PDE9A: variants seen among roughly 807,000 people sequenced by gnomAD.
PDE9A encodes the protein phosphodiesterase 9A.
A neutral mutation model predicts 87.4 loss-of-function variants in PDE9A; 60 were observed. That is an observed-to-expected ratio of 0.69 (90% CI 0.56 to 0.85). The LOEUF is 0.85. Among genes scored for constraint, PDE9A ranks in the 40% least tolerant of loss-of-function variants. PDE9A has a pLI of 0.00. For missense variants in PDE9A, 665 were observed against 779.0 expected (o/e 0.85, Z 1.74); for synonymous variants, 272 against 279.4 (o/e 0.97, Z 0.27).
At chr21:42,662,015 G>C (rs1003124554) in intron 1 of PDE9A, among the ~76,000 whole-genome samples, 2 of 152,214 alleles carry the variant, frequency 1.3e-5, no homozygotes, top group African/African-American at 2.4e-5. Context: ...CCTGGGGCAA[G>C]TCATTCACCC....
intron 19 of PDE9A, among the ~76,000 whole-genome samples, chr21:42,773,673 T>A (rs369745693): frequency 6.7e-6 from 1 of 150,250 alleles, no homozygotes; most frequent in Non-Finnish European, 1.5e-5. Context: ...TGGTGGCGGG[T>A]GCCTGTAGTC....
At position 42,719,689 on chromosome 21, in the gene PDE9A, G is replaced by A. The variant is rs532781448; in HGVS notation, c.263-12081G>A. ...AATATTCCTTCGTTCTTTTATAGGA[G>A]CATAGTACTTCATTTTGTAGATGTA... On this transcript the variant is annotated intron_variant, in intron 4 of 19. Transcript: ENST00000291539. Among the ~76,000 whole-genome samples, 3 of 151,422 alleles carry A rather than the reference G, an allele frequency of 2.0e-5. No individual in the cohort carries two copies. The East Asian group carries it at 5.8e-4, about 29-fold the overall frequency.
chr21:42,760,962 G>A lies in PDE9A; in HGVS notation c.1085+55G>A. 1 of 1,169,158 alleles carries A rather than the reference G, an allele frequency of 8.6e-7. No individual in the cohort carries two copies. The highest frequency in any genetic ancestry group is 1.2e-5 in the South Asian group (1 of 81,378). 72.4% of individuals were successfully genotyped at this position (1,169,158 alleles called of 1,614,324 possible). On this transcript the variant is annotated intron_variant, in intron 13 of 19. Coordinates refer to ENST00000291539, the MANE Select transcript of PDE9A (RefSeq NM_002606.3). This position sits in a 1 kb window ranked among gnomAD's most constrained non-coding sequence, Gnocchi z 5.2. ...TTTAAAAGGCACCCTGGCTACTGGA[G>A]GGAACCTGTCAGCCCAACCCTCAGA...
chr21:42,697,435 C>T lies in PDE9A; in HGVS notation c.219-1533C>T, dbSNP rs1366063206. ...TCCAGGAATGAGCTCATTCTCTATA[C>T]ATCACTCCGTAACTTGTTGTTTTTA... On this transcript the variant is annotated intron_variant, in intron 3 of 19. Transcript: ENST00000291539. 1.9e-6 allele frequency: 3 copies of T among 1,611,216 alleles called. No individual in the cohort carries two copies. The South Asian group carries it at 3.3e-5, about 18-fold the overall frequency.
intron 1 of PDE9A, among the ~76,000 whole-genome samples, chr21:42,670,412 A>G (rs2058438734): frequency 1.1e-5 from 1 of 94,092 alleles, no homozygotes; most frequent in Non-Finnish European, 1.8e-5. Flanking sequence ...TCACACATAC[A>G]TTCACACGCA....
chr21:42,755,933 C>G (rs2054992885), intron 10 of PDE9A, among the ~76,000 whole-genome samples: 1 of 152,232 alleles, frequency 6.6e-6, no homozygotes, highest in Non-Finnish European at 1.5e-5. Flanking sequence ...TACCAGGGAA[C>G]CCTTTGAGCA....
At chr21:42,775,210 G>A in intron 19 of PDE9A, 70 bp from the exon 20 acceptor site, 3 of 1,510,186 alleles carry the variant, frequency 2.0e-6, no homozygotes, top group Non-Finnish European at 2.8e-6. Context: ...AAAGTGCTGG[G>A]ATTAAAGGTG....
chr21:42,739,813 T>C lies in PDE9A; in HGVS notation c.569-3963T>C, dbSNP rs894472810. On this transcript the variant is annotated intron_variant, in intron 7 of 19. Coordinates refer to ENST00000291539, the MANE Select transcript of PDE9A (RefSeq NM_002606.3). The surrounding 1 kb of genome is among the most constrained non-coding windows in gnomAD (Gnocchi z 4.1). Reference sequence around the variant, plus strand: ...TTGTATGGACATGGGAAAAAAATTATAGGTTTGTTGCAAACTCATTTAGCA... The same window carrying C: ...TTGTATGGACATGGGAAAAAAATTACAGGTTTGTTGCAAACTCATTTAGCA... Among the ~76,000 whole-genome samples the C allele has an allele frequency of 3.3e-5, 5 of 152,092 alleles. No individual in the cohort carries two copies. The highest frequency in any genetic ancestry group is 5.9e-5 in the Non-Finnish European group (4 of 68,018).
chr21:42,716,278 A>T (rs1341960762), intron 4 of PDE9A, among the ~76,000 whole-genome samples: 1 of 151,802 alleles, frequency 6.6e-6, no homozygotes, highest in African/African-American at 2.4e-5. Flanking sequence ...TCTTTTGGTA[A>T]CAGCATGTTT....
intron 10 of PDE9A, 35 bp from the exon 11 acceptor site, chr21:42,758,964 A>T (rs917433117): frequency 6.5e-7 from 1 of 1,541,178 alleles, no homozygotes; most frequent in African/African-American, 1.4e-5. Flanking sequence ...CGGCCACACA[A>T]CTGCCCAGTG....
At chr21:42,653,950 G>C (rs2056839525) in intron 1 of PDE9A, 67 bp downstream of exon 1, 2 of 951,178 alleles carry the variant, frequency 2.1e-6, no homozygotes, top group Admixed American at 2.3e-5. Context: ...CGGGCGCGGC[G>C]GGGCGGGACT....
chr21:42,741,314 G>A (rs1276617468), intron 7 of PDE9A: 1 of 152,238 alleles, frequency 6.6e-6, no homozygotes, highest in Non-Finnish European at 1.5e-5. Flanking sequence ...CCTTTTCTGA[G>A]AAGACAGCCT....
chr21:42,668,263 G>A (rs1229248820), intron 1 of PDE9A, among the ~76,000 whole-genome samples: 2 of 152,194 alleles, frequency 1.3e-5, no homozygotes, highest in East Asian at 3.9e-4. Context: ...CCATCCCCAG[G>A]GTCCAGGGAG....
chr21:42,687,086 A>AT (rs895709155), intron 2 of PDE9A, among the ~76,000 whole-genome samples: 5 of 152,186 alleles, frequency 3.3e-5, no homozygotes, highest in African/African-American at 1.2e-4. Flanking sequence ...GAGCCAGTGA[A>AT]TTTTCTAATT....
At position 42,704,873 on chromosome 21, in the gene PDE9A, C is replaced by A. The variant is rs757469841; in HGVS notation, c.262+5862C>A. On this transcript the variant is annotated intron_variant, in intron 4 of 19. Transcript: ENST00000291539. The surrounding 1 kb of genome is among the most constrained non-coding windows in gnomAD (Gnocchi z 5.3). ...TTTCAGTAAATGCCTCTAACGGGCC[C>A]GGTGGAACTGTGCAATGCAGAAACA... is the stretch of plus-strand genomic sequence containing the variant. Among the ~76,000 whole-genome samples, 2 of 152,192 alleles carry A rather than the reference C, an allele frequency of 1.3e-5. No individual in the cohort carries two copies. The highest frequency in any genetic ancestry group is 2.9e-5 in the Non-Finnish European group (2 of 68,032).
chr21:42,707,744 G>A (rs999446683), intron 4 of PDE9A, among the ~76,000 whole-genome samples: 1 of 152,212 alleles, frequency 6.6e-6, no homozygotes, highest in African/African-American at 2.4e-5. Context: ...CCTTAGGAGA[G>A]CTACTTAACC....
intron 1 of PDE9A, among the ~76,000 whole-genome samples, chr21:42,685,774 T>C (rs1395387172): frequency 6.6e-6 from 1 of 152,114 alleles, no homozygotes; most frequent in Non-Finnish European, 1.5e-5. Context: ...GGCCTTTTTT[T>C]CTTTTTTCTT....
intron 3 of PDE9A, chr21:42,689,656 T>C: frequency 2.0e-6 from 2 of 985,442 alleles, no homozygotes; most frequent in Non-Finnish European, 2.4e-6. Flanking sequence ...AAGCCCACCT[T>C]GACCCTTCTA....
At chr21:42,725,100 A>T (rs1212577672) in intron 4 of PDE9A, among the ~76,000 whole-genome samples, 1 of 152,188 alleles carries the variant, frequency 6.6e-6, no homozygotes, top group African/African-American at 2.4e-5. Context: ...ATTGACCGTG[A>T]CACGGTCCAG....
Sources: allele counts gnomAD v4.1 joint callset (sites outside exome capture counted in the v4.1 genomes callset), GRCh38; gene constraint gnomAD v4.1.1; non-coding constraint Gnocchi (gnomAD v3.1); transcripts MANE v1.5; gene names NCBI Gene and HGNC (gene_info 2026-07-23, HGNC 2026-07-21).